The following GRIK2 variants were observed in gnomAD, a reference collection of about 807,000 sequenced individuals.
GRIK2 encodes the protein glutamate ionotropic receptor kainate type subunit 2, also known as glutamate receptor ionotropic, kainate 2.
A neutral mutation model predicts 100.3 loss-of-function variants in GRIK2; 32 were observed. The ratio of observed to expected loss-of-function variants is 0.32; its 90% CI spans 0.24 to 0.43. GRIK2 has a LOEUF of 0.43. Among genes scored for constraint, GRIK2 ranks in the 20% least tolerant of loss-of-function variants. The pLI is 1.00. For missense variants in GRIK2, 843 were observed against 1,114.9 expected (o/e 0.76, Z 3.47); for synonymous variants, 417 against 389.4 (o/e 1.07, Z -0.83).
Position 101,897,149 on chromosome 6 carries a change from A to T in GRIK2, c.1748+7286A>T, listed in dbSNP as rs377683692. ...TGGCAGTTACTAATGTGTCTTTTATACATTTCTCACTAGCTAATTCAAGCT... is the reference window on the plus strand; with the variant it reads ...TGGCAGTTACTAATGTGTCTTTTATTCATTTCTCACTAGCTAATTCAAGCT... On this transcript the variant is annotated intron_variant, in intron 12 of 16. Coordinates refer to ENST00000369134, the MANE Select transcript of GRIK2 (RefSeq NM_021956.5). 9.9e-5 allele frequency among the ~76,000 whole-genome samples: 15 copies of T among 151,898 alleles called. No individual in the cohort carries two copies. The East Asian group carries it at 1.5e-3, about 16-fold the overall frequency.
chr6:101,832,124 T>G (rs969078366), intron 10 of GRIK2, among the ~76,000 whole-genome samples: 2 of 152,068 alleles, frequency 1.3e-5, no homozygotes, highest in African/African-American at 2.4e-5. Flanking sequence ...TATAAAGGAA[T>G]CATTTACAAA....
rs947174988 is a variant in GRIK2, at chr6:101,688,050, AT to A, written c.951+1702del. 2.5e-4 allele frequency among the ~76,000 whole-genome samples: 37 copies of A among 147,366 alleles called. 1 individual carries two copies. Among genetic ancestry groups the A allele is most frequent in the Middle Eastern group, 7.6e-3 (2 of 264 alleles). Reference sequence around the variant, plus strand: ...AAATTGTTGTTATGATCATGTGAATATTTTTATATAATATATAAAAATATTT... The same window carrying A: ...AAATTGTTGTTATGATCATGTGAATATTTTATATAATATATAAAAATATTT... On this transcript the variant is annotated intron_variant, in intron 7 of 16. Coordinates refer to ENST00000369134, the MANE Select transcript of GRIK2 (RefSeq NM_021956.5).
chr6:101,681,363 C>G (rs893051358), intron 5 of GRIK2, among the ~76,000 whole-genome samples: 3 of 150,932 alleles, frequency 2.0e-5, no homozygotes, highest in African/African-American at 7.3e-5. Context: ...GTAGTTGGGA[C>G]TAAAGGCATG....
In GRIK2 at chr6:101,682,546, T is replaced by C. The variant is rs1562307360; in HGVS notation, c.724-7T>C. 5 of 1,242,488 alleles carry C rather than the reference T, an allele frequency of 4.0e-6. No individual in the cohort carries two copies. Among genetic ancestry groups the C allele is most frequent in the African/African-American group, 1.5e-5 (1 of 66,848 alleles). 77.0% of individuals were successfully genotyped at this position (1,242,488 alleles called of 1,614,324 possible). On this transcript the variant is annotated splice_polypyrimidine_tract_variant and splice_region_variant and intron_variant, in intron 5 of 16. Transcript: ENST00000369134. ...ATGTACCTTCAGTAATTTTTTTTTT[T>C]CCTTAGGCATTAGCTATGGGAATGA...
At chr6:101,782,044 G>A (rs1001001530) in intron 7 of GRIK2, among the ~76,000 whole-genome samples, 1 of 152,008 alleles carries the variant, frequency 6.6e-6, no homozygotes, top group Admixed American at 6.6e-5. Context: ...CTTAATGTAT[G>A]TACATATTTA....
chr6:101,559,447 A>G (rs1746064181), intron 2 of GRIK2, among the ~76,000 whole-genome samples: 1 of 152,046 alleles, frequency 6.6e-6, no homozygotes, highest in South Asian at 2.1e-4. Context: ...TGAATGATTA[A>G]TTGCAACCTC....
chr6:101,888,638 G>A (rs542261252), intron 11 of GRIK2, among the ~76,000 whole-genome samples: 3 of 152,140 alleles, frequency 2.0e-5, no homozygotes, highest in East Asian at 3.9e-4. Flanking sequence ...AACACACACA[G>A]AGAATAATAT....
chr6:101,420,088 G>T (rs1776340288), intron 2 of GRIK2, among the ~76,000 whole-genome samples: 1 of 152,158 alleles, frequency 6.6e-6, no homozygotes, highest in African/African-American at 2.4e-5. Flanking sequence ...TCTGACAGAT[G>T]GCAGGTACAA....
chr6:101,747,026 A>G (rs1250832297), intron 7 of GRIK2, among the ~76,000 whole-genome samples: 1 of 152,166 alleles, frequency 6.6e-6, no homozygotes, highest in Non-Finnish European at 1.5e-5. Flanking sequence ...TTATGTTTAA[A>G]TCTTCTGAAT....
At chr6:101,796,013 G>A (rs1297753314) in intron 7 of GRIK2, among the ~76,000 whole-genome samples, 3 of 152,098 alleles carry the variant, frequency 2.0e-5, no homozygotes, top group Non-Finnish European at 4.4e-5. Context: ...AGTGCTTGTT[G>A]ACATTTGTTA....
intron 12 of GRIK2, among the ~76,000 whole-genome samples, chr6:101,894,082 TCTA>T (rs1787278299): frequency 6.6e-6 from 1 of 151,548 alleles, no homozygotes; most frequent in African/African-American, 2.4e-5. Context: ...GAATATCTGC[TCTA>T]CTATCATATT....
At chr6:101,715,526 T>A (rs1185133205) in intron 7 of GRIK2, among the ~76,000 whole-genome samples, 2 of 151,762 alleles carry the variant, frequency 1.3e-5, no homozygotes, top group African/African-American at 4.8e-5. Flanking sequence ...ACTGTCAGTA[T>A]TTTAGTTTGG....
intron 4 of GRIK2, among the ~76,000 whole-genome samples, chr6:101,661,315 G>A (rs1769594043): frequency 6.6e-6 from 1 of 152,012 alleles, no homozygotes; most frequent in Admixed American, 6.6e-5. Flanking sequence ...AATAGCAGAC[G>A]CTCCTCCTGC....
intron 11 of GRIK2, among the ~76,000 whole-genome samples, chr6:101,864,122 C>T (rs963057283): frequency 8.8e-5 from 12 of 135,846 alleles, no homozygotes; most frequent in African/African-American, 3.4e-4. Flanking sequence ...CCGGCCTGGG[C>T]GACAGAGCGA....
intron 10 of GRIK2, among the ~76,000 whole-genome samples, chr6:101,822,743 T>TA (rs1562415673): frequency 2.0e-5 from 3 of 151,848 alleles, no homozygotes; most frequent in African/African-American, 7.3e-5. Flanking sequence ...ATATATATAT[T>TA]TTTTCTTTTT....
intron 7 of GRIK2, among the ~76,000 whole-genome samples, chr6:101,785,680 C>A (rs954870309): frequency 3.3e-5 from 5 of 151,968 alleles, no homozygotes; most frequent in African/African-American, 1.2e-4. Flanking sequence ...GTCTATGTGT[C>A]TGTTTTTATA....
chr6:101,409,300 G>A (rs1775755273), intron 2 of GRIK2, among the ~76,000 whole-genome samples: 1 of 151,994 alleles, frequency 6.6e-6, no homozygotes, highest in South Asian at 2.1e-4. Flanking sequence ...GGAGCAATTG[G>A]CTGTAACATA....
intron 2 of GRIK2, among the ~76,000 whole-genome samples, chr6:101,546,804 C>T (rs1168366605): frequency 6.8e-6 from 1 of 146,258 alleles, no homozygotes; most frequent in Non-Finnish European, 1.5e-5. Flanking sequence ...TCCTCCAACT[C>T]TCATGTTTTT....
Position 101,690,675 on chromosome 6 carries a change from A to G in GRIK2, c.951+4322A>G, listed in dbSNP as rs192712566. On this transcript the variant is annotated intron_variant, in intron 7 of 16. Transcript: ENST00000369134. ...GCCTTCTATGGTCTGGCTCTTTCCAATTTGTCCAGCCTCATATTTGCTTGC... is the reference window on the plus strand; with the variant it reads ...GCCTTCTATGGTCTGGCTCTTTCCAGTTTGTCCAGCCTCATATTTGCTTGC... Among the ~76,000 whole-genome samples the G allele has an allele frequency of 1.0e-3, 153 of 152,002 alleles. 1 individual carries two copies. The highest frequency in any genetic ancestry group is 9.1e-4 in the Non-Finnish European group (62 of 67,966).
Sources: allele counts gnomAD v4.1 joint callset (sites outside exome capture counted in the v4.1 genomes callset), GRCh38; gene constraint gnomAD v4.1.1; transcripts MANE v1.5; gene names NCBI Gene and HGNC (gene_info 2026-07-23, HGNC 2026-07-21).